NRG3: variants seen among roughly 807,000 people sequenced by gnomAD.
NRG3 encodes pro-neuregulin-3, membrane-bound isoform.
In NRG3, 31 loss-of-function variants were observed where a neutral mutation model predicts 66.9. The ratio of observed to expected loss-of-function variants is 0.46; its 90% confidence interval spans 0.35 to 0.63. The LOEUF (loss-of-function observed/expected upper bound fraction) is 0.63. Ranked by LOEUF, NRG3 falls within the 20% of genes least tolerant of loss-of-function variation. NRG3 has a pLI of 0.00. For missense variants in NRG3, 910 were observed against 878.9 expected, an observed-to-expected ratio of 1.04 and a Z score of -0.45; for synonymous variants, 393 against 359.4, an observed-to-expected ratio of 1.09 and a Z score of -1.06.
chr10:82,985,406 T>C lies in NRG3; in HGVS notation c.1892T>C (p.Leu631Pro). 1.9e-6 allele frequency: 3 copies of C among 1,614,108 alleles called. No homozygotes were observed. The highest frequency in any genetic ancestry group is 2.5e-6 in the Non-Finnish European group (3 of 1,180,004). ...IAEQQEVKIL[L>P]ETVQEQIRIL... ...GAACAACAAGAAGTGAAAATATTGC[T>C]AGAAACTGTCCAGGAGCAGATCCGA... Residue 631 changes from leucine (L) to proline (P), a missense_variant, in exon 9 of 9, where the codon CTA (leucine) becomes CCA (proline). Leu to Pro is a moderately conservative substitution (Grantham distance 98). Transcript: ENST00000372141.
intron 1 of NRG3, among the ~76,000 whole-genome samples, chr10:82,017,887 G>C (rs1345118657): frequency 6.6e-6 from 1 of 152,102 alleles, no homozygotes; most frequent in Non-Finnish European, 1.5e-5. Flanking sequence ...CATTCTGTAG[G>C]TTGCCTGTTC....
intron 1 of NRG3, among the ~76,000 whole-genome samples, chr10:82,007,917 A>T (rs1414199011): frequency 6.6e-6 from 1 of 151,550 alleles, no homozygotes; most frequent in Non-Finnish European, 1.5e-5. Context: ...AATTAAATTG[A>T]CTTTCTTTTT....
At chr10:82,717,334 C>T (rs1301254460) in intron 2 of NRG3, among the ~76,000 whole-genome samples, 1 of 150,620 alleles carries the variant, frequency 6.6e-6, no homozygotes, top group East Asian at 2.0e-4. Context: ...CTAGTGGGTC[C>T]ATCCATCCAG....
intron 1 of NRG3, among the ~76,000 whole-genome samples, chr10:82,176,139 G>T (rs2073014685): frequency 6.6e-6 from 1 of 152,118 alleles, no homozygotes; most frequent in Non-Finnish European, 1.5e-5. Context: ...ACATTAATAT[G>T]AATCTTCAAG....
rs1412968173 is a variant in NRG3 at position 81,875,210 on chromosome 10, G to C, written c.-131G>C. ...GCAGGGAGCGGATTTGCATGCGGCC[G>C]CCGCGGCCGCTGCCTGCGCCCGAGC... On this transcript the variant is annotated 5_prime_UTR_variant, in exon 1 of 9. Coordinates refer to ENST00000372141, the MANE Select transcript of NRG3 (RefSeq NM_001010848.4). This position sits in a 1 kb window ranked among gnomAD's most constrained non-coding sequence, Gnocchi z 5.3. 1 of 361,640 alleles carries C rather than the reference G, an allele frequency of 2.8e-6. No individual in the cohort carries two copies. The highest frequency in any genetic ancestry group is 2.3e-5 in the African/African-American group (1 of 44,412). The allele number at this position is 361,640 out of a possible 1,614,324, so 22.4% of individuals were successfully genotyped here.
At chr10:82,560,878 G>A (rs1176687529) in intron 2 of NRG3, among the ~76,000 whole-genome samples, 2 of 151,732 alleles carry the variant, frequency 1.3e-5, no homozygotes, top group Non-Finnish European at 2.9e-5. Flanking sequence ...TTTTCTGTTA[G>A]TTTTTCAATG....
At chr10:82,116,983 C>T (rs774404663) in intron 1 of NRG3, among the ~76,000 whole-genome samples, 18 of 152,088 alleles carry the variant, frequency 1.2e-4, no homozygotes, top group Non-Finnish European at 1.8e-4. Flanking sequence ...TAGGGTTCAC[C>T]TCAAGGAGCT....
chr10:82,404,802 C>A (rs2087376934), intron 2 of NRG3, among the ~76,000 whole-genome samples: 1 of 152,094 alleles, frequency 6.6e-6, no homozygotes, highest in Non-Finnish European at 1.5e-5. Context: ...AGAAAGGACA[C>A]CCATTTTTGC....
chr10:82,413,498 T>C (rs1045756097), intron 2 of NRG3, among the ~76,000 whole-genome samples: 7 of 152,132 alleles, frequency 4.6e-5, no homozygotes, highest in African/African-American at 1.7e-4. Context: ...CTTAATGACC[T>C]TACAGTTTCC....
intron 6 of NRG3, among the ~76,000 whole-genome samples, chr10:82,971,124 A>G (rs1190835839): frequency 6.6e-6 from 1 of 152,144 alleles, no homozygotes; most frequent in East Asian, 1.9e-4. Context: ...TCTTCCATGA[A>G]TTAATAGAAT....
At chr10:82,047,839 A>G (rs4534517) in intron 1 of NRG3, among the ~76,000 whole-genome samples, 142,303 of 152,118 alleles carry the variant, frequency 0.94, 66,763 homozygotes, top group South Asian at 0.99. Context: ...TCAGTGTGCT[A>G]TATTCAGGAA....
At chr10:82,073,094 T>A (rs58629701) in intron 1 of NRG3, among the ~76,000 whole-genome samples, 4,365 of 150,846 alleles carry the variant, frequency 0.029, 219 homozygotes, top group African/African-American at 0.1. Context: ...GACACATCTT[T>A]ATAAAATTAG....
chr10:82,763,983 G>A (rs1285369755), intron 3 of NRG3, among the ~76,000 whole-genome samples: 3 of 152,068 alleles, frequency 2.0e-5, no homozygotes, highest in African/African-American at 7.2e-5. Flanking sequence ...CTTTTAATGT[G>A]GATAGTGGAA....
intron 1 of NRG3, among the ~76,000 whole-genome samples, chr10:82,081,335 C>T (rs536940600): frequency 1.1e-3 from 163 of 152,056 alleles, no homozygotes; most frequent in African/African-American, 3.8e-3. Context: ...TTAGAACTAA[C>T]TTTGAGGACT....
chr10:81,930,060 G>A (rs1191779345), intron 1 of NRG3, among the ~76,000 whole-genome samples: 1 of 152,086 alleles, frequency 6.6e-6, no homozygotes, highest in Non-Finnish European at 1.5e-5. Context: ...TGCTGCCTTG[G>A]AGCACTTAGA....
rs148479771 is a variant in NRG3, at chr10:82,903,495, A to G, written c.1054+38058A>G. On this transcript the variant is annotated intron_variant, in intron 4 of 8. Coordinates refer to ENST00000372141, the MANE Select transcript of NRG3 (RefSeq NM_001010848.4). ...CAGAGAAAAGTCCTGACATTATAAGAAAAAGTTAAATTGCTTGATATATAC... is the reference window on the plus strand; with the variant it reads ...CAGAGAAAAGTCCTGACATTATAAGGAAAAGTTAAATTGCTTGATATATAC... 2.8e-3 allele frequency among the ~76,000 whole-genome samples: 422 copies of G among 152,290 alleles called. 3 individuals are homozygous for G. The highest frequency in any genetic ancestry group is 9.7e-3 in the African/African-American group (404 of 41,580).
At chr10:82,865,532 T>C in intron 4 of NRG3, 95 bp downstream of exon 4, 1 of 1,287,784 alleles carries the variant, frequency 7.8e-7, no homozygotes, top group Non-Finnish European at 1.1e-6. Flanking sequence ...ATAATTGAAA[T>C]GTCTCATTAT....
intron 1 of NRG3, among the ~76,000 whole-genome samples, chr10:82,201,196 CAAAAA>C (rs35232518): frequency 1.3e-5 from 1 of 78,048 alleles, no homozygotes. Flanking sequence ...GACTCTGTCT[CAAAAA>C]AAAAAAAAAA....
intron 2 of NRG3, among the ~76,000 whole-genome samples, chr10:82,575,682 T>C (rs905755392): frequency 1.3e-5 from 2 of 151,760 alleles, no homozygotes; most frequent in Non-Finnish European, 2.9e-5. Context: ...GACCACTTCA[T>C]ATTAGCATTT....
Sources: gnomAD v4.1 joint callset for allele counts (sites outside exome capture counted in the v4.1 genomes callset) on GRCh38, gnomAD v4.1.1 for gene constraint, Gnocchi (gnomAD v3.1) non-coding constraint, MANE v1.5 for transcripts, NCBI Gene and HGNC (gene_info 2026-07-23, HGNC 2026-07-21) for gene names.